The following ADGRL1 variants were observed in gnomAD, a reference collection of about 807,000 sequenced individuals.
ADGRL1 encodes adhesion G protein-coupled receptor L1.
A neutral mutation model predicts 148.9 loss-of-function variants in ADGRL1; 31 were observed. The ratio of observed to expected loss-of-function variants is 0.21; its 90% CI spans 0.16 to 0.28. ADGRL1 has a LOEUF of 0.28. Ranked by LOEUF, ADGRL1 falls within the 10% of genes least tolerant of loss-of-function variation. The pLI, the probability that ADGRL1 is intolerant of heterozygous loss-of-function variation, is 1.00. For missense variants in ADGRL1, 1,521 were observed against 2,058.8 expected (o/e 0.74, Z 5.05); for synonymous variants, 937 against 900.3 (o/e 1.04, Z -0.73).
At position 14,151,157 on chromosome 19, in the gene ADGRL1, G is replaced by A. The variant is rs745949089; in HGVS notation, c.4126C>T (p.Arg1376Trp). 3.7e-6 allele frequency: 6 copies of A among 1,605,840 alleles called. No homozygotes were observed. The highest frequency in any genetic ancestry group is 3.3e-5 in the South Asian group (3 of 90,150). The change falls in exon 23 of 23, where the codon CGG becomes TGG. Residue 1376 changes from arginine (R) to tryptophan (W), a missense_variant. Coordinates refer to ENST00000361434, the MANE Select transcript of ADGRL1 (RefSeq NM_014921.5). The part of the protein sequence containing the change: ...TSRPLSSPPG[R>W]DSLYASGANL... ...GCCCCGCTGGCATAGAGGGAGTCCC[G>A]GCCAGGAGGGGAGGAGAGGGGCCGG...
At chr19:14,165,986 C>T (rs1238079192) in intron 4 of ADGRL1, among the ~76,000 whole-genome samples, 1 of 152,166 alleles carries the variant, frequency 6.6e-6, no homozygotes, top group African/African-American at 2.4e-5. Context: ...AGAAGCCCCT[C>T]AGCAGCAGCA....
rs1337980965 is a variant in ADGRL1 at position 14,159,458 on chromosome 19, G to A, written c.1966C>T (p.Leu656=). Residue 656 remains leucine, a synonymous_variant, in exon 10 of 23, where the codon CTG becomes TTG. Transcript: ENST00000361434. The surrounding 1 kb of genome is among the most constrained non-coding windows in gnomAD (Gnocchi z 6.0). ...GGCTCCCTGACATTGTCGGCCAGCA[G>A]GAAGGCGCCCTCCTCCAGGACGTCG... The part of the protein sequence containing the change: ...LLDVLEEGAF[L]LADNVREPAR... 1.2e-6 allele frequency: 2 copies of A among 1,613,400 alleles called. No homozygotes were observed. Among genetic ancestry groups the A allele is most frequent in the African/African-American group, 1.3e-5 (1 of 75,042 alleles).
Position 14,150,651 on chromosome 19 carries a change from G to A in ADGRL1, c.*222C>T. 3.4e-6 allele frequency: 2 copies of A among 580,598 alleles called. No homozygotes were observed. The highest frequency in any genetic ancestry group is 2.2e-5 in the South Asian group (1 of 46,304). The allele number at this position is 580,598 out of a possible 1,614,324, so 36.0% of individuals were successfully genotyped here. On this transcript the variant is annotated 3_prime_UTR_variant, in exon 23 of 23. Coordinates refer to ENST00000361434, the MANE Select transcript of ADGRL1 (RefSeq NM_014921.5). ...CTCCTCACTACACTTCCCCCAAATAGAGCTGGTGCGTGTGGCTGGTGGGAA... is the reference window on the plus strand; with the variant it reads ...CTCCTCACTACACTTCCCCCAAATAAAGCTGGTGCGTGTGGCTGGTGGGAA...
chr19:14,171,316 C>T (rs1970450047), intron 3 of ADGRL1: 1 of 152,822 alleles, frequency 6.5e-6, no homozygotes, highest in Admixed American at 6.5e-5. Context: ...AACTAACACA[C>T]CAAGCCCAGA....
rs368375635 is a variant in ADGRL1, at chr19:14,183,043, G to A, written c.70+490C>T. Among the ~76,000 whole-genome samples, 36 of 152,326 alleles carry A rather than the reference G, an allele frequency of 2.4e-4. No individual in the cohort carries two copies. The East Asian group carries it at 6.4e-3, about 27-fold the overall frequency. Reference sequence around the variant, plus strand: ...GTAATCGAGTAATCGGTGAGGGTGGGCGGGCAGGCTTGGGGCACTAATAGT... The same window carrying A: ...GTAATCGAGTAATCGGTGAGGGTGGACGGGCAGGCTTGGGGCACTAATAGT... On this transcript the variant is annotated intron_variant, in intron 2 of 22. Transcript: ENST00000361434.
intron 3 of ADGRL1, chr19:14,171,132 A>G: frequency 4.6e-6 from 1 of 216,316 alleles, no homozygotes; most frequent in Non-Finnish European, 9.4e-6. Context: ...CCAGCCATGT[A>G]CGGCGTGCCT....
chr19:14,159,075 G>C lies in ADGRL1; in HGVS notation c.2149+15C>G. On this transcript the variant is annotated intron_variant, in intron 11 of 22. Coordinates refer to ENST00000361434, the MANE Select transcript of ADGRL1 (RefSeq NM_014921.5). This position sits in a 1 kb window ranked among gnomAD's most constrained non-coding sequence, Gnocchi z 6.0. ...GGGCTGCTTCCCCACCCGAGGCCCCGCCGGGGACACTGACCATTGCGGCTG... is the reference window on the plus strand; with the variant it reads ...GGGCTGCTTCCCCACCCGAGGCCCCCCCGGGGACACTGACCATTGCGGCTG... 3.1e-6 allele frequency: 5 copies of C among 1,613,052 alleles called. No homozygotes were observed. The highest frequency in any genetic ancestry group is 4.2e-6 in the Non-Finnish European group (5 of 1,179,940).
chr19:14,182,128 C>T (rs1971240867), intron 2 of ADGRL1, among the ~76,000 whole-genome samples: 1 of 152,244 alleles, frequency 6.6e-6, no homozygotes, highest in Admixed American at 6.5e-5. Flanking sequence ...CGCCTCTGTG[C>T]CTCTGTCCCT....
intron 3 of ADGRL1, 105 bp downstream of exon 3, chr19:14,177,426 G>C: frequency 3.8e-6 from 4 of 1,045,474 alleles, no homozygotes; most frequent in Non-Finnish European, 2.9e-6. Context: ...GTAAACATGT[G>C]TTGAATGCAT....
intron 1 of ADGRL1, among the ~76,000 whole-genome samples, chr19:14,205,704 C>T (rs1382648044): frequency 6.6e-6 from 1 of 151,680 alleles, no homozygotes; most frequent in South Asian, 2.1e-4. Context: ...GTCCCCTCCC[C>T]CCGCCAGGCA....
chr19:14,205,725 G>A (rs970150397), intron 1 of ADGRL1, among the ~76,000 whole-genome samples: 1 of 149,742 alleles, frequency 6.7e-6, no homozygotes, highest in African/African-American at 2.5e-5. Context: ...CCCTGCGGTA[G>A]CCCGTCCGCA....
Position 14,152,443 on chromosome 19 carries a change from C to G in ADGRL1, c.3521-6G>C. 1.2e-6 allele frequency: 2 copies of G among 1,604,294 alleles called. No homozygotes were observed. Among genetic ancestry groups the G allele is most frequent in the Non-Finnish European group, 1.7e-6 (2 of 1,172,934 alleles). On this transcript the variant is annotated splice_region_variant and splice_polypyrimidine_tract_variant and intron_variant, in intron 20 of 22. Coordinates refer to ENST00000361434, the MANE Select transcript of ADGRL1 (RefSeq NM_014921.5). The surrounding 1 kb of genome is among the most constrained non-coding windows in gnomAD (Gnocchi z 6.1). The stretch of plus-strand genomic sequence containing the variant: ...CAGGTGGTTCCCCATGGTACCTGGC[C>G]AAAGGATCAGAGGTCACAAGGCAGC...
At position 14,149,683 on chromosome 19, in the gene ADGRL1, A is replaced by AAGGGACAGAAAC. The variant is rs1555778606; in HGVS notation, c.*1189_*1190insGTTTCTGTCCCT. On this transcript the variant is annotated 3_prime_UTR_variant, in exon 23 of 23. Coordinates refer to ENST00000361434, the MANE Select transcript of ADGRL1 (RefSeq NM_014921.5). ...TGCCGGGCAGGCGGAGCAGGAAAGGAGGGTGCCAGGAAGGAAATGGGTTCT... is the reference window on the plus strand; with the variant it reads ...TGCCGGGCAGGCGGAGCAGGAAAGGAAGGGACAGAAACGGGTGCCAGGAAGGAAATGGGTTCT... 6.6e-6 allele frequency: 1 copy of AAGGGACAGAAAC among 152,566 alleles called. No individual in the cohort carries two copies. The highest frequency in any genetic ancestry group is 1.5e-5 in the Non-Finnish European group (1 of 68,042). The allele number at this position is 152,566 out of a possible 1,614,324, so 9.5% of individuals were successfully genotyped here. A position where few individuals can be genotyped will look rare whatever the true frequency, so the allele number is the denominator to read the frequency against.
At chr19:14,166,139 A>G (rs1969936945) in intron 4 of ADGRL1, among the ~76,000 whole-genome samples, 1 of 151,712 alleles carries the variant, frequency 6.6e-6, no homozygotes, top group Admixed American at 6.6e-5. Context: ...TAACCACAAC[A>G]GCCCAGAAGA....
Position 14,187,901 on chromosome 19 carries a change from A to G in ADGRL1, c.-95-4204T>C, listed in dbSNP as rs116764161. Among the ~76,000 whole-genome samples, 989 of 152,122 alleles carry G rather than the reference A, an allele frequency of 6.5e-3. 19 individuals carry two copies. The highest frequency in any genetic ancestry group is 0.023 in the African/African-American group (937 of 41,494). On this transcript the variant is annotated intron_variant, in intron 1 of 22. Coordinates refer to ENST00000361434, the MANE Select transcript of ADGRL1 (RefSeq NM_014921.5). ...CTCCAAGCGCTTTCTTTCCCACTGC[A>G]ACAGGCATCCGAGCAGAGGAACTGG...
intron 2 of ADGRL1, among the ~76,000 whole-genome samples, chr19:14,183,193 C>CAGAGAGAGAGAGATAGAG (rs1971322970): frequency 6.9e-6 from 1 of 145,306 alleles, no homozygotes; most frequent in South Asian, 2.2e-4. Context: ...GATGTAATCA[C>CAGAGAGAGAGAGATAGAG]AGAGAGAGAG....
Position 14,149,010 on chromosome 19 carries a change from GA to G in ADGRL1, c.*1862del, listed in dbSNP as rs956277264. 6.5e-6 allele frequency: 1 copy of G among 153,106 alleles called. No individual in the cohort carries two copies. The highest frequency in any genetic ancestry group is 1.5e-5 in the Non-Finnish European group (1 of 68,316). The allele number at this position is 153,106 out of a possible 1,614,324, so 9.5% of individuals were successfully genotyped here. A position where few individuals can be genotyped will look rare whatever the true frequency, so the allele number is the denominator to read the frequency against. On this transcript the variant is annotated 3_prime_UTR_variant, in exon 23 of 23. Coordinates refer to ENST00000361434, the MANE Select transcript of ADGRL1 (RefSeq NM_014921.5). ...GTTTGAAAACTCATGGCACTTGTGA[GA>G]AAAGGAGGGGCAGAGAGATGGGGAG...
chr19:14,201,278 G>C (rs770076158), intron 1 of ADGRL1, among the ~76,000 whole-genome samples: 16 of 144,414 alleles, frequency 1.1e-4, no homozygotes, highest in Non-Finnish European at 2.1e-4. Flanking sequence ...TGAGGGAGGG[G>C]CACTGGCTAT....
intron 16 of ADGRL1, among the ~76,000 whole-genome samples, 198 bp downstream of exon 16, chr19:14,156,460 G>T (rs918006288): frequency 6.6e-6 from 1 of 151,918 alleles, no homozygotes; most frequent in Non-Finnish European, 1.5e-5. Context: ...CAGCCCCCCA[G>T]GCGAGCAGCC....
Sources: gnomAD v4.1 joint callset for allele counts (sites outside exome capture counted in the v4.1 genomes callset) on GRCh38, gnomAD v4.1.1 for gene constraint, Gnocchi (gnomAD v3.1) non-coding constraint, MANE v1.5 for transcripts, NCBI Gene and HGNC (gene_info 2026-07-23, HGNC 2026-07-21) for gene names.